PAK5: variants seen among roughly 807,000 people sequenced by gnomAD.
PAK5 encodes p21 (RAC1) activated kinase 5, also known as serine/threonine-protein kinase PAK 5.
A neutral mutation model predicts 65.9 loss-of-function variants in PAK5; 16 were observed. The observed-to-expected ratio is 0.24, with a 90% confidence interval of 0.16 to 0.37. The LOEUF is 0.37. Among genes scored for constraint, PAK5 ranks in the 10% least tolerant of loss-of-function variants. The pLI, the probability that PAK5 is intolerant of heterozygous loss-of-function variation, is 1.00. For synonymous variants in PAK5, 371 were observed against 354.9 expected, an observed-to-expected ratio of 1.05 and a Z score of -0.51; for missense variants, 785 against 903.9, an observed-to-expected ratio of 0.87 and a Z score of 1.69.
chr20:9,641,479 G>T (rs28851248), intron 3 of PAK5, among the ~76,000 whole-genome samples: 122 of 101,840 alleles, frequency 1.2e-3, no homozygotes, highest in East Asian at 4.3e-3. Context: ...GAGCTAGACA[G>T]AAAGACTCTC....
At chr20:9,558,507 G>T (rs577025866) in intron 6 of PAK5, among the ~76,000 whole-genome samples, 1 of 152,248 alleles carries the variant, frequency 6.6e-6, no homozygotes, top group Admixed American at 6.5e-5. Flanking sequence ...AAGGTTTCAG[G>T]CGTGGCTGTT....
chr20:9,559,240 A>G (rs1330308448), intron 6 of PAK5, among the ~76,000 whole-genome samples: 1 of 152,174 alleles, frequency 6.6e-6, no homozygotes, highest in Non-Finnish European at 1.5e-5. Context: ...ACTATCATCC[A>G]AACAGAGGAG....
intron 4 of PAK5, chr20:9,577,234 A>G (rs2045900749): frequency 4.9e-5 from 7 of 144,294 alleles, no homozygotes; most frequent in Admixed American, 4.8e-4. Context: ...TAGGGAGAGG[A>G]GGCCAACATC....
intron 3 of PAK5, among the ~76,000 whole-genome samples, chr20:9,636,990 T>C (rs1172552521): frequency 1.3e-5 from 2 of 152,148 alleles, no homozygotes; most frequent in African/African-American, 4.8e-5. Flanking sequence ...GCATTAGATA[T>C]TAAAACTGAT....
At chr20:9,594,996 C>G (rs1449143480) in intron 3 of PAK5, among the ~76,000 whole-genome samples, 1 of 151,788 alleles carries the variant, frequency 6.6e-6, no homozygotes, top group Non-Finnish European at 1.5e-5. Flanking sequence ...TATATAAACA[C>G]ATATACACAT....
rs62194580 is a variant in PAK5, at chr20:9,650,441, T to A, written c.-11-6102A>T. On this transcript the variant is annotated intron_variant, in intron 2 of 9. Coordinates refer to ENST00000353224, the MANE Select transcript of PAK5 (RefSeq NM_177990.4). Reference sequence around the variant, plus strand: ...GGCAATTTGTAGGTGGAGAAAGAGGTTGGGTATTTATTACCCTGGTTTTCT... The same window carrying A: ...GGCAATTTGTAGGTGGAGAAAGAGGATGGGTATTTATTACCCTGGTTTTCT... Among the ~76,000 whole-genome samples the A allele has an allele frequency of 1.3e-3, 203 of 152,270 alleles. 1 individual carries two copies. The highest frequency in any genetic ancestry group is 1.7e-3 in the Non-Finnish European group (119 of 68,034).
intron 1 of PAK5, among the ~76,000 whole-genome samples, chr20:9,830,669 C>T (rs1302785583): frequency 1.3e-5 from 2 of 152,114 alleles, no homozygotes; most frequent in African/African-American, 4.8e-5. Context: ...AAAATTCCTG[C>T]CGGTATATAA....
chr20:9,546,116 G>C (rs1277358895), intron 7 of PAK5, among the ~76,000 whole-genome samples: 1 of 152,150 alleles, frequency 6.6e-6, no homozygotes, highest in Non-Finnish European at 1.5e-5. Context: ...CTGACCCAGA[G>C]ACAAGATTCC....
chr20:9,729,361 T>C (rs6056833), intron 1 of PAK5, among the ~76,000 whole-genome samples: 101,535 of 152,086 alleles, frequency 0.67, 34,240 homozygotes, highest in South Asian at 0.84. Flanking sequence ...TGTCTGATAA[T>C]GGTGGCCAAC....
intron 1 of PAK5, among the ~76,000 whole-genome samples, chr20:9,788,772 T>A (rs2049019545): frequency 6.6e-6 from 1 of 151,986 alleles, no homozygotes; most frequent in Non-Finnish European, 1.5e-5. Flanking sequence ...AACAAAGGGG[T>A]TCCAAGATTC....
intron 1 of PAK5, among the ~76,000 whole-genome samples, chr20:9,754,171 G>A (rs766808614): frequency 2.6e-5 from 4 of 152,140 alleles, no homozygotes; most frequent in Non-Finnish European, 2.9e-5. Flanking sequence ...AGGAAATAAT[G>A]TAACTGCCCA....
intron 1 of PAK5, among the ~76,000 whole-genome samples, chr20:9,774,502 C>A (rs973843710): frequency 7.2e-5 from 11 of 152,222 alleles, no homozygotes; most frequent in Non-Finnish European, 1.6e-4. Context: ...GCTTTATTAT[C>A]TAGCAATTAT....
intron 1 of PAK5, among the ~76,000 whole-genome samples, chr20:9,804,944 C>A (rs991830614): frequency 6.6e-6 from 1 of 151,718 alleles, no homozygotes; most frequent in Non-Finnish European, 1.5e-5. Context: ...AAAAGGTGAC[C>A]CACAAAATGG....
intron 2 of PAK5, among the ~76,000 whole-genome samples, chr20:9,673,436 C>G (rs193083530): frequency 6.6e-6 from 1 of 152,150 alleles, no homozygotes; most frequent in Admixed American, 6.5e-5. Context: ...GTTTTGAGCA[C>G]TGGAAATGTG....
At chr20:9,785,151 C>T (rs1308932460) in intron 1 of PAK5, among the ~76,000 whole-genome samples, 2 of 152,108 alleles carry the variant, frequency 1.3e-5, no homozygotes, top group Admixed American at 1.3e-4. Flanking sequence ...ATAGCCTATG[C>T]TCATCGTAAG....
intron 2 of PAK5, among the ~76,000 whole-genome samples, chr20:9,691,322 G>GATTACT (rs2047794322): frequency 6.6e-6 from 1 of 152,144 alleles, no homozygotes; most frequent in Non-Finnish European, 1.5e-5. Flanking sequence ...CTCAGACGGT[G>GATTACT]GTGGGAGAGA....
At chr20:9,558,657 C>G (rs2045548261) in intron 6 of PAK5, among the ~76,000 whole-genome samples, 1 of 152,220 alleles carries the variant, frequency 6.6e-6, no homozygotes, top group Non-Finnish European at 1.5e-5. Context: ...ACCCACCCTA[C>G]TTCCCATTCA....
chr20:9,801,144 C>A (rs2049164216), intron 1 of PAK5, among the ~76,000 whole-genome samples: 1 of 152,012 alleles, frequency 6.6e-6, no homozygotes, highest in Non-Finnish European at 1.5e-5. Context: ...TATGAGAAAA[C>A]AAATGATGAA....
chr20:9,550,078 T>C (rs1248377008), intron 7 of PAK5, among the ~76,000 whole-genome samples: 1 of 152,176 alleles, frequency 6.6e-6, no homozygotes, highest in East Asian at 1.9e-4. Context: ...ATGTACTCCA[T>C]GGAGACACGG....
Sources: allele counts gnomAD v4.1 joint callset (sites outside exome capture counted in the v4.1 genomes callset), GRCh38; gene constraint gnomAD v4.1.1; transcripts MANE v1.5; gene names NCBI Gene and HGNC (gene_info 2026-07-23, HGNC 2026-07-21).